Variants in DNER observed in about 807,000 individuals in gnomAD.
DNER encodes delta and Notch-like epidermal growth factor-related receptor.
DNER carries 33 observed loss-of-function variants against 78.2 expected under a neutral mutation model. The observed-to-expected ratio is 0.42, with a 90% CI of 0.32 to 0.56. DNER has a LOEUF of 0.56. DNER is among the 20% of genes least tolerant of loss of function. The probability of loss-of-function intolerance (pLI) is 0.11; values close to 1 mark genes in which losing one functional copy is unlikely to be tolerated. For synonymous variants in DNER, 417 were observed against 384.8 expected, an observed-to-expected ratio of 1.08 and a Z score of -0.98; for missense variants, 918 against 975.3, an observed-to-expected ratio of 0.94 and a Z score of 0.78.
At position 229,550,395 on chromosome 2, in the gene DNER, A is replaced by G. The variant is rs554901644; in HGVS notation, c.848-3303T>C. ...ACAGGCTTTAACAGGTTAGGAAAAT[A>G]TTAGTATCCAGAAATCTAGAATACA... On this transcript the variant is annotated intron_variant, in intron 4 of 12. Coordinates refer to ENST00000341772, the MANE Select transcript of DNER (RefSeq NM_139072.4). Among the ~76,000 whole-genome samples the G allele has an allele frequency of 2.6e-5, 4 of 152,332 alleles. No individual in the cohort carries two copies. In the South Asian group the frequency reaches 8.3e-4, roughly 32 times the overall value.
intron 6 of DNER, among the ~76,000 whole-genome samples, chr2:229,501,585 C>A (rs539729765): frequency 6.6e-6 from 1 of 152,272 alleles, no homozygotes; most frequent in African/African-American, 2.4e-5. Context: ...TGTGTCAAGA[C>A]AACAATCCTT....
chr2:229,366,726 T>C (rs1692355505), intron 12 of DNER, 147 bp downstream of exon 12: 1 of 1,269,038 alleles, frequency 7.9e-7, no homozygotes, highest in Non-Finnish European at 1.1e-6. Context: ...AGTGGTCGAA[T>C]GATCTATCCC....
intron 6 of DNER, among the ~76,000 whole-genome samples, chr2:229,510,543 T>C (rs1053109441): frequency 1.3e-5 from 2 of 151,726 alleles, no homozygotes; most frequent in Non-Finnish European, 2.9e-5. Flanking sequence ...CTCTAGGTGG[T>C]AAAATGGAGA....
At chr2:229,585,659 T>C (rs1167402817) in intron 4 of DNER, among the ~76,000 whole-genome samples, 199 bp downstream of exon 4, 2 of 135,266 alleles carry the variant, frequency 1.5e-5, no homozygotes, top group Non-Finnish European at 3.2e-5. Flanking sequence ...GACTCCATCA[T>C]CAAAAAAAAA....
intron 8 of DNER, among the ~76,000 whole-genome samples, chr2:229,421,436 C>CTA (rs1693761235): frequency 1.3e-5 from 2 of 150,236 alleles, no homozygotes. Flanking sequence ...TTTTTTACCA[C>CTA]TATATATATA....
intron 2 of DNER, among the ~76,000 whole-genome samples, chr2:229,590,018 C>T (rs893189682): frequency 4.1e-5 from 6 of 147,562 alleles, no homozygotes; most frequent in African/African-American, 1.3e-4. Context: ...CAGTCCTTGA[C>T]TCTAATACAT....
intron 10 of DNER, among the ~76,000 whole-genome samples, chr2:229,388,836 T>A (rs537783442): frequency 1.3e-5 from 2 of 151,986 alleles, no homozygotes; most frequent in South Asian, 4.2e-4. Context: ...CATCTCGTTA[T>A]TTTTCTGAAA....
chr2:229,667,095 C>G (rs1699105565), intron 1 of DNER, among the ~76,000 whole-genome samples: 1 of 152,206 alleles, frequency 6.6e-6, no homozygotes, highest in Admixed American at 6.5e-5. Flanking sequence ...CAAACAAGGA[C>G]TTTTCTTTTG....
At chr2:229,549,838 G>A (rs1361051674) in intron 4 of DNER, among the ~76,000 whole-genome samples, 1 of 151,826 alleles carries the variant, frequency 6.6e-6, no homozygotes, top group African/African-American at 2.4e-5. Flanking sequence ...TTGAACCCGG[G>A]AGGCAGAGGT....
intron 8 of DNER, among the ~76,000 whole-genome samples, chr2:229,421,177 C>CACAG (rs1693755797): frequency 1.3e-5 from 2 of 152,086 alleles, no homozygotes; most frequent in African/African-American, 4.8e-5. Context: ...CACAGAAGGA[C>CACAG]AAATACTGTA....
At chr2:229,422,397 A>G (rs1448519333) in intron 8 of DNER, among the ~76,000 whole-genome samples, 1 of 152,234 alleles carries the variant, frequency 6.6e-6, no homozygotes, top group East Asian at 1.9e-4. Context: ...ACTGATCTTT[A>G]TCAGCACTGC....
chr2:229,625,950 C>T (rs1431858292), intron 1 of DNER, among the ~76,000 whole-genome samples: 1 of 151,088 alleles, frequency 6.6e-6, no homozygotes, highest in African/African-American at 2.4e-5. Context: ...GATGGAGTCT[C>T]GCTCTTTTGC....
At chr2:229,402,166 C>T (rs947261949) in intron 10 of DNER, among the ~76,000 whole-genome samples, 1 of 151,812 alleles carries the variant, frequency 6.6e-6, no homozygotes, top group Non-Finnish European at 1.5e-5. Context: ...ATAAATTAGA[C>T]CAATTACCAA....
intron 4 of DNER, among the ~76,000 whole-genome samples, chr2:229,552,655 G>A (rs1053193550): frequency 4.6e-5 from 7 of 152,054 alleles, no homozygotes; most frequent in African/African-American, 1.7e-4. Flanking sequence ...ATGTTTGTAA[G>A]TTTCCTGAGG....
intron 6 of DNER, among the ~76,000 whole-genome samples, chr2:229,494,008 C>T (rs1396266789): frequency 2.0e-5 from 3 of 152,108 alleles, no homozygotes; most frequent in South Asian, 2.1e-4. Flanking sequence ...CATATAACTT[C>T]GGGCAATAAG....
intron 4 of DNER, among the ~76,000 whole-genome samples, chr2:229,553,098 G>A (rs570741796): frequency 1.1e-4 from 17 of 152,284 alleles, no homozygotes; most frequent in Admixed American, 1.1e-3. Context: ...GCTAAATGGG[G>A]GCCATCCTAG....
chr2:229,679,453 T>C (rs1699351250), intron 1 of DNER, among the ~76,000 whole-genome samples: 1 of 152,220 alleles, frequency 6.6e-6, no homozygotes, highest in South Asian at 2.1e-4. Flanking sequence ...ACAAACATTA[T>C]CTTTGGAACA....
intron 11 of DNER, among the ~76,000 whole-genome samples, chr2:229,380,048 A>T (rs1199784092): frequency 6.6e-6 from 1 of 152,214 alleles, no homozygotes; most frequent in Non-Finnish European, 1.5e-5. Flanking sequence ...AACCAAGAAG[A>T]AAGACAGTGA....
chr2:229,622,543 A>G (rs1267412583), intron 1 of DNER, among the ~76,000 whole-genome samples: 1 of 151,872 alleles, frequency 6.6e-6, no homozygotes, highest in Non-Finnish European at 1.5e-5. Flanking sequence ...TAACCTCCTT[A>G]GGAGCCACGG....
Sources: gnomAD v4.1 joint callset for allele counts (sites outside exome capture counted in the v4.1 genomes callset) on GRCh38, gnomAD v4.1.1 for gene constraint, MANE v1.5 for transcripts, NCBI Gene and HGNC (gene_info 2026-07-23, HGNC 2026-07-21) for gene names.